DNAH17: variants seen among roughly 807,000 people sequenced by gnomAD.
DNAH17 encodes axonemal beta dynein heavy chain 17.
DNAH17 carries 376 observed loss-of-function variants against 485.6 expected under a neutral mutation model. The ratio of observed to expected loss-of-function variants is 0.77; its 90% confidence interval spans 0.71 to 0.84. DNAH17 has a LOEUF of 0.84. DNAH17 is among the 40% of genes least tolerant of loss of function. The pLI, the probability that DNAH17 is intolerant of heterozygous loss-of-function variation, is 0.00. For missense variants in DNAH17, 6,370 were observed against 5,839.3 expected (o/e 1.09, Z -2.96); for synonymous variants, 3,031 against 2,405.9 (o/e 1.26, Z -7.60).
At chr17:78,472,627 TGTGTGGG>T (rs771365083) in intron 54 of DNAH17, 13 of 424,522 alleles carry the variant, frequency 3.1e-5, no homozygotes, top group South Asian at 2.0e-4. Context: ...CCGGGGGCTG[TGTGTGGG>T]GTGTGGGGAG....
chr17:78,456,913 A>G (rs12952770), intron 62 of DNAH17, among the ~76,000 whole-genome samples: 17,463 of 152,274 alleles, frequency 0.11, 1,314 homozygotes, highest in Admixed American at 0.23. Flanking sequence ...CACAGCTTGC[A>G]GGCCTGGAAC....
intron 19 of DNAH17, among the ~76,000 whole-genome samples, chr17:78,534,741 G>T (rs2091328265): frequency 6.6e-6 from 1 of 152,176 alleles, no homozygotes; most frequent in Non-Finnish European, 1.5e-5. Context: ...CCAGAGGCAG[G>T]TGAGACCTGC....
intron 11 of DNAH17, among the ~76,000 whole-genome samples, chr17:78,565,457 C>T (rs78082535): frequency 5.3e-5 from 8 of 152,194 alleles, no homozygotes; most frequent in African/African-American, 1.7e-4. Flanking sequence ...TGACGTTTGT[C>T]GGGGAGAGAT....
chr17:78,571,104 T>A, intron 5 of DNAH17, 71 bp from the exon 6 acceptor site: 1 of 1,426,184 alleles, frequency 7.0e-7, no homozygotes, highest in Non-Finnish European at 9.7e-7. Flanking sequence ...AGGGTGCGGC[T>A]CCATGTGCTG....
chr17:78,498,997 G>T lies in DNAH17; in HGVS notation c.5745+11C>A. On this transcript the variant is annotated intron_variant, in intron 37 of 80. Transcript: ENST00000389840. ...CGACGTGACCCCGAGGCCGCAGGCA[G>T]GGGACTTTACCTGCACGGCAATCAC... 1.3e-6 allele frequency: 2 copies of T among 1,597,792 alleles called. No individual in the cohort carries two copies. Among genetic ancestry groups the T allele is most frequent in the Middle Eastern group, 1.7e-4 (1 of 5,974 alleles).
intron 11 of DNAH17, 88 bp downstream of exon 11, chr17:78,566,526 T>C: frequency 1.0e-6 from 1 of 980,268 alleles, no homozygotes; most frequent in Non-Finnish European, 1.6e-6. Flanking sequence ...ATGGAGAGGA[T>C]GAAATGGTCT....
chr17:78,539,990 C>A (rs1245510152), intron 17 of DNAH17, 110 bp from the exon 18 acceptor site: 1 of 1,145,324 alleles, frequency 8.7e-7, no homozygotes, highest in East Asian at 2.9e-5. Flanking sequence ...ACGCCGGACA[C>A]ACGGGGCTGC....
chr17:78,478,111 TCCACCATCA>T (rs1598530457), intron 51 of DNAH17, among the ~76,000 whole-genome samples: 1 of 131,406 alleles, frequency 7.6e-6, no homozygotes, highest in East Asian at 2.5e-4. Context: ...CATCATCATC[TCCACCATCA>T]CCACCACGTG....
intron 24 of DNAH17, among the ~76,000 whole-genome samples, chr17:78,526,148 G>A (rs1215803554): frequency 6.6e-6 from 1 of 152,240 alleles, no homozygotes; most frequent in African/African-American, 2.4e-5. Context: ...AGGGCTGTGT[G>A]AATTTGTGCA....
chr17:78,492,855 G>GATTTTTTTTT, intron 41 of DNAH17, 90 bp from the exon 42 acceptor site: 2 of 632,780 alleles, frequency 3.2e-6, no homozygotes, highest in Non-Finnish European at 4.3e-6. Context: ...GGCCTGGATG[G>GATTTTTTTTT]TTTTTTTTTT....
At chr17:78,502,547 A>C in intron 33 of DNAH17, 44 bp downstream of exon 33, 1 of 1,561,342 alleles carries the variant, frequency 6.4e-7, no homozygotes, top group Non-Finnish European at 8.7e-7. Flanking sequence ...CCTGCTTTTT[A>C]AACAAGTTTT....
Position 78,459,045 on chromosome 17 carries a change from C to T in DNAH17, c.9817G>A (p.Ala3273Thr), listed in dbSNP as rs965090348. 7 of 1,613,934 alleles carry T rather than the reference C, an allele frequency of 4.3e-6. No homozygotes were observed. The African/African-American group carries it at 6.7e-5, about 15-fold the overall frequency. Residue 3273 changes from alanine (A) to threonine (T), a missense_variant, in exon 61 of 81, where the codon GCA becomes ACA. Physicochemically the swap from Ala to Thr is moderately conservative, Grantham distance 58. Coordinates refer to ENST00000389840, the MANE Select transcript of DNAH17 (RefSeq NM_173628.4). The part of the protein sequence containing the change: ...QALEEANAEL[A>T]EAQEKLSRIK... ...CGGGACAGCTTCTCTTGTGCCTCTG[C>T]CAGCTCTGCATTAGCCTCCTCCAGT...
Position 78,449,358 on chromosome 17 carries a change from G to T in DNAH17, c.11211+56C>A, listed in dbSNP as rs904349681. Reference sequence around the variant, plus strand: ...CTGCCTTTCCACAAAGCTCCCAGGGGTCAGTGACACCGCTGGTCCACGGAC... The same window carrying T: ...CTGCCTTTCCACAAAGCTCCCAGGGTTCAGTGACACCGCTGGTCCACGGAC... On this transcript the variant is annotated intron_variant, in intron 69 of 80. Transcript: ENST00000389840. 26 of 1,506,116 alleles carry T rather than the reference G, an allele frequency of 1.7e-5. 1 individual carries two copies. The Admixed American group carries it at 5.2e-4, about 30-fold the overall frequency. The allele number at this position is 1,506,116 out of a possible 1,614,324, so 93.3% of individuals were successfully genotyped here. A position where few individuals can be genotyped will look rare whatever the true frequency, so the allele number is the denominator to read the frequency against.
chr17:78,502,628 C>G lies in DNAH17; in HGVS notation c.5153G>C (p.Gly1718Ala). The G allele has an allele frequency of 6.2e-7, 1 of 1,613,366 alleles. No homozygotes were observed. The highest frequency in any genetic ancestry group is 8.5e-7 in the Non-Finnish European group (1 of 1,179,886). The change falls in exon 33 of 81, where the codon GGC becomes GCC. Residue 1718 changes from glycine (G) to alanine (A), a missense_variant. Coordinates refer to ENST00000389840, the MANE Select transcript of DNAH17 (RefSeq NM_173628.4). Reference sequence around the variant, plus strand: ...ATAATCTCTGATAGCGTTTTCATAGCCTTCCTCCAGCCTGGCAAATGCCAG... The same window carrying G: ...ATAATCTCTGATAGCGTTTTCATAGGCTTCCTCCAGCCTGGCAAATGCCAG... ...VGLAFARLEE[G>A]YENAIRDYNK... is the part of the protein sequence containing the mutation.
chr17:78,455,989 G>A (rs2087780461), intron 62 of DNAH17, among the ~76,000 whole-genome samples, 153 bp from the exon 63 acceptor site: 1 of 152,180 alleles, frequency 6.6e-6, no homozygotes, highest in Non-Finnish European at 1.5e-5. Context: ...GGGAGGAAAT[G>A]CTTTAGAGAA....
intron 56 of DNAH17, 63 bp from the exon 57 acceptor site, chr17:78,463,140 T>C: frequency 6.7e-7 from 1 of 1,484,174 alleles, no homozygotes; most frequent in Non-Finnish European, 9.3e-7. Context: ...AAAGTGGGGC[T>C]CCCCAGACTC....
Position 78,560,769 on chromosome 17 carries a change from T to C in DNAH17, c.2002A>G (p.Asn668Asp). The C allele has an allele frequency of 6.4e-7, 1 of 1,552,210 alleles. No homozygotes were observed. Among genetic ancestry groups the C allele is most frequent in the Non-Finnish European group, 8.7e-7 (1 of 1,147,320 alleles). Residue 668 changes from asparagine to aspartate, a missense_variant, in exon 13 of 81, where the codon AAC becomes GAC. Physicochemically the swap from Asn to Asp is conservative, Grantham distance 23. Transcript: ENST00000389840. ...TTGCTGAAGTTGACGTGGATGAGGT[T>C]GCTAGCGGCGTCCCGCAGAATCAGC... ...QPLILRDAASNLIHVNFSKAL... is the reference protein window; with the variant it reads ...QPLILRDAASDLIHVNFSKAL...
At chr17:78,505,630 A>T (rs1365199365) in intron 30 of DNAH17, among the ~76,000 whole-genome samples, 185 bp from the exon 31 acceptor site, 1 of 152,244 alleles carries the variant, frequency 6.6e-6, no homozygotes, top group African/African-American at 2.4e-5. Context: ...CTGAGTCAGG[A>T]CACAGAAACC....
In DNAH17 at chr17:78,507,806, C is replaced by CT. The variant is rs757401594; in HGVS notation, c.4237-2dup. Reference sequence around the variant, plus strand: ...AGGTACTGTCCAGGGCTTTCAGCACCTTTTGGGGGAACAGAAAAATAAGGT... The same window carrying CT: ...AGGTACTGTCCAGGGCTTTCAGCACCTTTTTGGGGGAACAGAAAAATAAGGT... On this transcript the variant is annotated splice_acceptor_variant, in intron 27 of 80. Coordinates refer to ENST00000389840, the MANE Select transcript of DNAH17 (RefSeq NM_173628.4). LOFTEE classifies it high-confidence loss of function. 2.9e-5 allele frequency: 45 copies of CT among 1,550,356 alleles called. No homozygotes were observed. The highest frequency in any genetic ancestry group is 1.7e-4 in the Middle Eastern group (1 of 5,978).
Sources: allele counts gnomAD v4.1 joint callset (sites outside exome capture counted in the v4.1 genomes callset), GRCh38; gene constraint gnomAD v4.1.1; transcripts MANE v1.5; gene names NCBI Gene and HGNC (gene_info 2026-07-23, HGNC 2026-07-21).